The following GRK2 variants were observed in gnomAD, a reference collection of about 807,000 sequenced individuals.
GRK2 encodes the protein G protein-coupled receptor kinase 2, also known as adrenergic beta receptor kinase 1.
Under a neutral mutation model 97.8 loss-of-function variants are expected in GRK2, and 23 were observed. The observed-to-expected ratio is 0.24, with a 90% CI of 0.17 to 0.33. The LOEUF (loss-of-function observed/expected upper bound fraction) is 0.33. Among genes scored for constraint, GRK2 ranks in the 10% least tolerant of loss-of-function variants. The pLI, the probability that GRK2 is intolerant of heterozygous loss-of-function variation, is 1.00. For missense variants in GRK2, 633 were observed against 956.9 expected (o/e 0.66, Z 4.47); for synonymous variants, 425 against 381.7 (o/e 1.11, Z -1.32).
intron 15 of GRK2, 102 bp downstream of exon 15, chr11:67,283,330 G>C: frequency 1.9e-6 from 2 of 1,069,818 alleles, no homozygotes; most frequent in Non-Finnish European, 2.9e-6. Context: ...CAGCCTCCTT[G>C]GAGGAGCTCA....
intron 15 of GRK2, 79 bp from the exon 16 acceptor site, chr11:67,283,628 G>A (rs1460796168): frequency 1.4e-6 from 2 of 1,445,584 alleles, no homozygotes; most frequent in Non-Finnish European, 1.9e-6. Flanking sequence ...AGTTCACAGA[G>A]CCAGAAAGTG....
Position 67,282,390 on chromosome 11 carries a change from C to T in GRK2, c.1052+25C>T, listed in dbSNP as rs1860172191. 1.3e-6 allele frequency: 2 copies of T among 1,599,342 alleles called. No homozygotes were observed. Among genetic ancestry groups the T allele is most frequent in the African/African-American group, 2.7e-5 (2 of 74,750 alleles). On this transcript the variant is annotated intron_variant, in intron 12 of 20. Transcript: ENST00000308595. The surrounding 1 kb of genome is among the most constrained non-coding windows in gnomAD (Gnocchi z 6.9). ...TGTGAGTGCCCCCCACCCTCTCCCTCCCCACCCCTTGCCACTCCCGCTTAT... is the reference window on the plus strand; with the variant it reads ...TGTGAGTGCCCCCCACCCTCTCCCTTCCCACCCCTTGCCACTCCCGCTTAT...
rs758003046 is a variant in GRK2, at chr11:67,281,685, C to G, written c.783C>G (p.Phe261Leu). The G allele has an allele frequency of 1.3e-6, 2 of 1,589,234 alleles. No homozygotes were observed. Among genetic ancestry groups the G allele is most frequent in the Non-Finnish European group, 1.7e-6 (2 of 1,165,292 alleles). ...TCATTGTCTGCATGTCATACGCGTT[C>G]CACACGCCAGACAAGCTCAGCTTCA... The part of the protein sequence containing the change: ...CPFIVCMSYA[F>L]HTPDKLSFIL... The change falls in exon 10 of 21, where the codon TTC becomes TTG. Residue 261 changes from phenylalanine to leucine, a missense_variant. Transcript: ENST00000308595. This position sits in a 1 kb window ranked among gnomAD's most constrained non-coding sequence, Gnocchi z 5.7.
At position 67,285,038 on chromosome 11, in the gene GRK2, C is replaced by T. The variant is rs780983311; in HGVS notation, c.1792-37C>T. On this transcript the variant is annotated intron_variant, in intron 19 of 20. Transcript: ENST00000308595. ...CGGGCTTCCGGGTGGCTGGCCGGCC[C>T]GGCTCTTACCTGCACCACCCATCCC... 45 of 1,612,156 alleles carry T rather than the reference C, an allele frequency of 2.8e-5. 1 individual carries two copies. Among genetic ancestry groups the T allele is most frequent in the South Asian group, 2.3e-4 (21 of 91,048 alleles).
At chr11:67,274,739 G>C (rs144800003) in intron 1 of GRK2, among the ~76,000 whole-genome samples, 1 of 151,982 alleles carries the variant, frequency 6.6e-6, no homozygotes, top group African/African-American at 2.4e-5. Flanking sequence ...CCCTTGCTGT[G>C]TGTGAAACAC....
chr11:67,285,399 G>A lies in GRK2; in HGVS notation c.2019G>A (p.Val673=), dbSNP rs2136507220. Residue 673 remains valine, a synonymous_variant, in exon 21 of 21, where the codon GTG becomes GTA. Transcript: ENST00000308595. ...KMKNKPRSPV[V]ELSKVPLVQR... is the part of the protein sequence containing the mutation. ...AGAACAAGCCGCGCTCGCCCGTGGT[G>A]GAGCTGAGCAAGGTGCCGCTGGTCC... 1 of 1,607,770 alleles carries A rather than the reference G, an allele frequency of 6.2e-7. No individual in the cohort carries two copies. Among genetic ancestry groups the A allele is most frequent in the East Asian group, 2.2e-5 (1 of 44,800 alleles).
In GRK2 at chr11:67,266,762, G is replaced by A. The variant is rs2136485144; in HGVS notation, c.63G>A (p.Lys21=). ...ACCTGATGGCCATGGAGAAGAGCAAGGCCACGCCGGCCGCGCGCGCCAGCA... is the reference window on the plus strand; with the variant it reads ...ACCTGATGGCCATGGAGAAGAGCAAAGCCACGCCGGCCGCGCGCGCCAGCA... ...VSYLMAMEKS[K]ATPAARASKK... Residue 21 remains lysine, a synonymous_variant, in exon 1 of 21, where the codon AAG becomes AAA. Coordinates refer to ENST00000308595, the MANE Select transcript of GRK2 (RefSeq NM_001619.5). The A allele has an allele frequency of 1.5e-6, 2 of 1,375,370 alleles. No individual in the cohort carries two copies. The highest frequency in any genetic ancestry group is 3.2e-5 in the East Asian group (1 of 31,132). 85.2% of individuals were successfully genotyped at this position (1,375,370 alleles called of 1,614,324 possible).
At position 67,279,867 on chromosome 11, in the gene GRK2, TC is replaced by T; in HGVS notation, c.472del (p.Arg158GlufsTer29). The T allele has an allele frequency of 6.2e-7, 1 of 1,613,694 alleles. No individual in the cohort carries two copies. Among genetic ancestry groups the T allele is most frequent in the Non-Finnish European group, 8.5e-7 (1 of 1,179,964 alleles). ...QPYIEEICQN[L>X]RGDVFQKFIE... The stretch of plus-strand genomic sequence containing the variant: ...TACATCGAAGAGATTTGTCAAAACC[TC>T]CGAGGGGACGTGTTCCAGAAATTCA... On this transcript the variant is annotated frameshift_variant, in exon 6 of 21. Transcript: ENST00000308595. LOFTEE classifies it high-confidence loss of function.
Position 67,282,141 on chromosome 11 carries a change from G to C in GRK2, c.958-130G>C. ...AGGTTGTAGCTGGGGACAGGAGAGAGGACCCCCACCTTTGCCCTTTCTTTG... is the reference window on the plus strand; with the variant it reads ...AGGTTGTAGCTGGGGACAGGAGAGACGACCCCCACCTTTGCCCTTTCTTTG... On this transcript the variant is annotated intron_variant, in intron 11 of 20. Coordinates refer to ENST00000308595, the MANE Select transcript of GRK2 (RefSeq NM_001619.5). The surrounding 1 kb of genome is among the most constrained non-coding windows in gnomAD (Gnocchi z 6.9). 3.3e-6 allele frequency: 4 copies of C among 1,202,258 alleles called. No homozygotes were observed. Among genetic ancestry groups the C allele is most frequent in the Non-Finnish European group, 4.8e-6 (4 of 839,814 alleles). 74.5% of individuals were successfully genotyped at this position (1,202,258 alleles called of 1,614,324 possible).
Position 67,269,305 on chromosome 11 carries a change from G to A in GRK2, c.113+2493G>A, listed in dbSNP as rs561633260. Among the ~76,000 whole-genome samples the A allele has an allele frequency of 4.6e-5, 7 of 152,272 alleles. No individual in the cohort carries two copies. In the South Asian group the frequency reaches 1.4e-3, roughly 32 times the overall value. On this transcript the variant is annotated intron_variant, in intron 1 of 20. Transcript: ENST00000308595. The surrounding 1 kb of genome is among the most constrained non-coding windows in gnomAD (Gnocchi z 4.1). ...TTGACAACTGTGAGAGGCAGGCCCA[G>A]CAGTTAGGATTCTCCCCTTTAGCAG...
At position 67,285,324 on chromosome 11, in the gene GRK2, C is replaced by A. The variant is rs369098618; in HGVS notation, c.1944C>A (p.Arg648=). ...TGGTGCAGTGGAAGAAGGAGCTGCGCGACGCCTACCGCGAGGCCCAGCAGC... is the reference window on the plus strand; with the variant it reads ...TGGTGCAGTGGAAGAAGGAGCTGCGAGACGCCTACCGCGAGGCCCAGCAGC... ...PELVQWKKEL[R]DAYREAQQLV... Residue 648 remains arginine (R), a synonymous_variant, in exon 21 of 21, where the codon CGC becomes CGA. Coordinates refer to ENST00000308595, the MANE Select transcript of GRK2 (RefSeq NM_001619.5). The A allele has an allele frequency of 6.2e-7, 1 of 1,609,740 alleles. No individual in the cohort carries two copies. Among genetic ancestry groups the A allele is most frequent in the Non-Finnish European group, 8.5e-7 (1 of 1,178,978 alleles).
rs1416797387 is a variant in GRK2, at chr11:67,279,400, A to G, written c.265-18A>G. The G allele has an allele frequency of 1.9e-6, 3 of 1,612,886 alleles. No homozygotes were observed. The highest frequency in any genetic ancestry group is 1.1e-5 in the South Asian group (1 of 91,074). ...CCCTGCTGGGCTCTAGATGACCTGC[A>G]GGAATCCTGTCCTCCAGATCAAGAA... On this transcript the variant is annotated intron_variant, in intron 3 of 20. Transcript: ENST00000308595.
chr11:67,283,455 A>G, intron 15 of GRK2: 2 of 609,048 alleles, frequency 3.3e-6, no homozygotes, highest in African/African-American at 1.8e-5. Context: ...CTTGTCACAG[A>G]TGATGATGAT....
rs945890742 is a variant in GRK2, at chr11:67,275,183, A to G, written c.114-2089A>G. ...TATCTCGCTCGGCCTTTCCTGAGGA[A>G]GGCTGGAACCAAGTGAGATCAGGGG... is the stretch of plus-strand genomic sequence containing the variant. On this transcript the variant is annotated intron_variant, in intron 1 of 20. Coordinates refer to ENST00000308595, the MANE Select transcript of GRK2 (RefSeq NM_001619.5). Among the ~76,000 whole-genome samples the G allele has an allele frequency of 3.3e-5, 5 of 152,312 alleles. No individual in the cohort carries two copies. The South Asian group carries it at 8.3e-4, about 25-fold the overall frequency.
intron 1 of GRK2, among the ~76,000 whole-genome samples, chr11:67,271,447 G>C (rs1003053858): frequency 6.6e-6 from 1 of 152,226 alleles, no homozygotes; most frequent in Non-Finnish European, 1.5e-5. Flanking sequence ...GAGCCATTTC[G>C]TGTTTGGGAT....
intron 2 of GRK2, among the ~76,000 whole-genome samples, chr11:67,278,010 A>G (rs1860071487): frequency 2.0e-5 from 3 of 152,190 alleles, no homozygotes; most frequent in Non-Finnish European, 2.9e-5. Context: ...CGGTGTGTCA[A>G]GAAGCACAAA....
rs1860266303 is a variant in GRK2 at position 67,285,765 on chromosome 11, C to T, written c.*315C>T. The T allele has an allele frequency of 2.5e-6, 1 of 397,080 alleles. No homozygotes were observed. Among genetic ancestry groups the T allele is most frequent in the Non-Finnish European group, 4.6e-6 (1 of 219,118 alleles). 24.6% of individuals were successfully genotyped at this position (397,080 alleles called of 1,614,324 possible). On this transcript the variant is annotated 3_prime_UTR_variant, in exon 21 of 21. Transcript: ENST00000308595. ...GCTGTGCCACCCTGGGCTCTGTGGGCTGCACTCTGTGCCCATGGGCACTGC... is the reference window on the plus strand; with the variant it reads ...GCTGTGCCACCCTGGGCTCTGTGGGTTGCACTCTGTGCCCATGGGCACTGC...
Position 67,286,203 on chromosome 11 carries a change from G to C in GRK2, c.*753G>C. 1.8e-6 allele frequency: 1 copy of C among 553,918 alleles called. No homozygotes were observed. The highest frequency in any genetic ancestry group is 3.2e-6 in the Non-Finnish European group (1 of 315,590). 34.3% of individuals were successfully genotyped at this position (553,918 alleles called of 1,614,324 possible). A position where few individuals can be genotyped will look rare whatever the true frequency, so the allele number is the denominator to read the frequency against. On this transcript the variant is annotated 3_prime_UTR_variant, in exon 21 of 21. Transcript: ENST00000308595. ...CCTGAGGTCTCGCTGATGCTGGGCT[G>C]GGTGCGACCCCATCTGCCCAGGACG...
intron 1 of GRK2, among the ~76,000 whole-genome samples, chr11:67,273,904 G>A (rs1859965358): frequency 1.3e-5 from 2 of 152,142 alleles, no homozygotes; most frequent in Non-Finnish European, 2.9e-5. Context: ...TCGCAGGCAG[G>A]GAACCAAGCA....
Sources: gnomAD v4.1 joint callset for allele counts (sites outside exome capture counted in the v4.1 genomes callset) on GRCh38, gnomAD v4.1.1 for gene constraint, Gnocchi (gnomAD v3.1) non-coding constraint, MANE v1.5 for transcripts, NCBI Gene and HGNC (gene_info 2026-07-23, HGNC 2026-07-21) for gene names.